Variants in SLC38A9 observed in about 807,000 individuals in gnomAD.
SLC38A9 encodes the protein solute carrier family 38 member 9.
In SLC38A9, 48 loss-of-function variants were observed where a neutral mutation model predicts 62.3. That is an observed-to-expected ratio of 0.77 (90% CI 0.61 to 0.98). SLC38A9 has a LOEUF of 0.98. Among genes scored for constraint, SLC38A9 ranks in the 50% least tolerant of loss-of-function variants. The pLI, the probability that SLC38A9 is intolerant of heterozygous loss-of-function variation, is 0.00. For synonymous variants in SLC38A9, 204 were observed against 227.7 expected (o/e 0.90, Z 0.94); for missense variants, 541 against 679.8 (o/e 0.80, Z 2.27).
rs576693962 is a variant in SLC38A9, at chr5:55,649,609, G to A, written c.953-295C>T. On this transcript the variant is annotated intron_variant, in intron 10 of 15. Coordinates refer to ENST00000396865, the MANE Select transcript of SLC38A9 (RefSeq NM_173514.4). ...GGCTGAGGTGGGCAGACCACCTGAG[G>A]TCAGGAGTTCGAGACCAAACCGGCC... Among the ~76,000 whole-genome samples the A allele has an allele frequency of 1.3e-3, 199 of 152,288 alleles. 1 individual carries two copies. Among genetic ancestry groups the A allele is most frequent in the Middle Eastern group, 0.01 (3 of 294 alleles).
chr5:55,633,602 T>C (rs1743885771), intron 14 of SLC38A9, 152 bp downstream of exon 14: 1 of 998,498 alleles, frequency 1.0e-6, no homozygotes, highest in Admixed American at 3.0e-5. Context: ...TTTTTAAAGC[T>C]CTTCAGGGAA....
chr5:55,702,740 A>G (rs1756827727), intron 2 of SLC38A9: 2 of 151,978 alleles, frequency 1.3e-5, no homozygotes, highest in Non-Finnish European at 2.9e-5. Flanking sequence ...TCAACCTACC[A>G]CTGATTATTA....
At position 55,662,314 on chromosome 5, in the gene SLC38A9, GAACTTTGTGTATT is replaced by G. The variant is rs553327513; in HGVS notation, c.697+2366_697+2378del. ...ACTAAATACTATAAGCAATCAGAAT[GAACTTTGTGTATT>G]AACAGAGATGATGAAAGACAGAAAG... is the stretch of plus-strand genomic sequence containing the variant. On this transcript the variant is annotated intron_variant, in intron 8 of 15. Transcript: ENST00000396865. Among the ~76,000 whole-genome samples, 199 of 152,138 alleles carry G rather than the reference GAACTTTGTGTATT, an allele frequency of 1.3e-3. No individual in the cohort carries two copies. In the Middle Eastern group the frequency reaches 0.014, roughly 10 times the overall value.
chr5:55,634,422 T>C (rs1744014468), intron 13 of SLC38A9: 1 of 152,240 alleles, frequency 6.6e-6, no homozygotes, highest in South Asian at 2.1e-4. Context: ...ATCACTAAAT[T>C]TAAAAGGATT....
intron 2 of SLC38A9, among the ~76,000 whole-genome samples, chr5:55,706,734 G>A (rs566389964): frequency 6.6e-6 from 1 of 152,136 alleles, no homozygotes; most frequent in Admixed American, 6.5e-5. Flanking sequence ...CTGGTAATTT[G>A]CAGTTGTCTC....
At chr5:55,679,570 C>T (rs1305700448) in intron 3 of SLC38A9, among the ~76,000 whole-genome samples, 3 of 149,384 alleles carry the variant, frequency 2.0e-5, no homozygotes, top group African/African-American at 7.4e-5. Context: ...ACAAAATGAT[C>T]AGTAAAAGAA....
chr5:55,659,828 C>T (rs1232419627), intron 8 of SLC38A9, among the ~76,000 whole-genome samples: 1 of 151,914 alleles, frequency 6.6e-6, no homozygotes, highest in Non-Finnish European at 1.5e-5. Context: ...TGCAGTGGCA[C>T]GGTCTCCGCT....
At position 55,627,980 on chromosome 5, in the gene SLC38A9, G is replaced by A. The variant is rs763226727; in HGVS notation, c.1431C>T (p.Ser477=). Residue 477 remains serine, a splice_region_variant and synonymous_variant, in exon 15 of 16, where the codon AGC becomes AGT. Coordinates refer to ENST00000396865, the MANE Select transcript of SLC38A9 (RefSeq NM_173514.4). ...GATTAAGAATCAGCACATGGAAAAT[G>A]CTAGAAGTTGAGAAGAGAGTTTGGA... ...LGHIFGDIYP[S]IFHVLILNLI... The A allele has an allele frequency of 1.9e-6, 3 of 1,607,824 alleles. No homozygotes were observed. The highest frequency in any genetic ancestry group is 2.6e-6 in the Non-Finnish European group (3 of 1,175,070).
At chr5:55,659,254 A>AAACCATCGGCCGGGCGCGGTGGCTCACG (rs1561355654) in intron 8 of SLC38A9, among the ~76,000 whole-genome samples, 3 of 150,262 alleles carry the variant, frequency 2.0e-5, no homozygotes, top group African/African-American at 7.3e-5. Flanking sequence ...TAAAAAAAAA[A>AAACCATCGGCCGGGCGCGGTGGCTCACG]CCATCAATAT....
intron 3 of SLC38A9, chr5:55,691,319 TG>T: frequency 6.8e-7 from 1 of 1,474,536 alleles, no homozygotes; most frequent in Non-Finnish European, 9.0e-7. Flanking sequence ...AGATAAGTAC[TG>T]GTGAATAAGG....
At chr5:55,672,782 A>G (rs1751523267) in intron 3 of SLC38A9, 87 bp from the exon 4 acceptor site, 2 of 1,361,322 alleles carry the variant, frequency 1.5e-6, no homozygotes, top group Non-Finnish European at 2.0e-6. Flanking sequence ...CTTATCCTCC[A>G]TTAGTAATGG....
chr5:55,707,913 T>C (rs1757491404), intron 2 of SLC38A9, among the ~76,000 whole-genome samples: 2 of 152,284 alleles, frequency 1.3e-5, no homozygotes, highest in East Asian at 1.9e-4. Context: ...TGTCTTTCCA[T>C]CCCTTCCCCC....
At chr5:55,692,626 CCT>C in intron 3 of SLC38A9, 3 of 985,176 alleles carry the variant, frequency 3.0e-6, no homozygotes, top group Non-Finnish European at 3.6e-6. Context: ...TAGCTGATTC[CCT>C]CTCATTTCAA....
intron 9 of SLC38A9, among the ~76,000 whole-genome samples, 164 bp downstream of exon 9, chr5:55,656,551 G>C (rs1022778231): frequency 1.3e-5 from 2 of 151,902 alleles, no homozygotes; most frequent in African/African-American, 4.8e-5. Flanking sequence ...CTTTTTGGAG[G>C]TTCTTTTTTT....
At chr5:55,701,419 T>G (rs1756629970) in intron 2 of SLC38A9, among the ~76,000 whole-genome samples, 1 of 152,200 alleles carries the variant, frequency 6.6e-6, no homozygotes, top group Non-Finnish European at 1.5e-5. Flanking sequence ...AGGCCAAAAT[T>G]CTTAGAATCA....
intron 2 of SLC38A9, among the ~76,000 whole-genome samples, chr5:55,698,673 C>G (rs1580421042): frequency 6.6e-6 from 1 of 152,212 alleles, no homozygotes; most frequent in Admixed American, 6.5e-5. Flanking sequence ...GTGTCCACAC[C>G]TGTAATCACA....
At chr5:55,662,664 G>A (rs543191795) in intron 8 of SLC38A9, among the ~76,000 whole-genome samples, 13 of 129,498 alleles carry the variant, frequency 1.0e-4, no homozygotes, top group South Asian at 5.4e-4. Flanking sequence ...GCAAGACTCC[G>A]TCTCAAAAAA....
At chr5:55,676,536 G>T (rs747884031) in intron 3 of SLC38A9, among the ~76,000 whole-genome samples, 2 of 152,062 alleles carry the variant, frequency 1.3e-5, no homozygotes, top group African/African-American at 4.8e-5. Context: ...ATATACCAAA[G>T]ATAAGCCTTT....
At chr5:55,697,750 T>C (rs1756110094) in intron 3 of SLC38A9, 96 bp downstream of exon 3, 1 of 570,436 alleles carries the variant, frequency 1.8e-6, no homozygotes, top group East Asian at 3.3e-5. Flanking sequence ...AAAGTGGATA[T>C]TTTATAATCA....
Sources: allele counts gnomAD v4.1 joint callset (sites outside exome capture counted in the v4.1 genomes callset), GRCh38; gene constraint gnomAD v4.1.1; transcripts MANE v1.5; gene names NCBI Gene and HGNC (gene_info 2026-07-23, HGNC 2026-07-21).